Variants in CDKAL1 observed in about 807,000 individuals in gnomAD.
CDKAL1 encodes the protein threonylcarbamoyladenosine tRNA methylthiotransferase.
In CDKAL1, 32 loss-of-function variants were observed where a neutral mutation model predicts 68.2. The observed-to-expected ratio is 0.47, with a 90% CI of 0.35 to 0.63. The LOEUF (loss-of-function observed/expected upper bound fraction) is 0.63. CDKAL1 is among the 30% of genes least tolerant of loss of function. CDKAL1 has a pLI of 0.00. For missense variants in CDKAL1, 606 were observed against 696.7 expected, an observed-to-expected ratio of 0.87 and a Z score of 1.47; for synonymous variants, 234 against 244.3, an observed-to-expected ratio of 0.96 and a Z score of 0.39.
chr6:21,032,379 C>A (rs1475585559), intron 11 of CDKAL1, among the ~76,000 whole-genome samples: 1 of 152,038 alleles, frequency 6.6e-6, no homozygotes, highest in African/African-American at 2.4e-5. Flanking sequence ...TGGCTATTTC[C>A]CCTTTATTTC....
chr6:20,963,750 C>G (rs991052796), intron 10 of CDKAL1, among the ~76,000 whole-genome samples: 1 of 152,134 alleles, frequency 6.6e-6, no homozygotes, highest in Non-Finnish European at 1.5e-5. Context: ...TAAAAATTCT[C>G]TTTATATGGC....
intron 12 of CDKAL1, among the ~76,000 whole-genome samples, chr6:21,069,770 C>CTT (rs1771654458): frequency 2.1e-4 from 9 of 42,240 alleles, no homozygotes; most frequent in Non-Finnish European, 4.0e-4. Context: ...CCCAGATTTT[C>CTT]TTTCTTTTTT....
chr6:21,184,355 C>T (rs1460684622), intron 13 of CDKAL1, among the ~76,000 whole-genome samples: 1 of 151,958 alleles, frequency 6.6e-6, no homozygotes, highest in South Asian at 2.1e-4. Context: ...CCACCATGCC[C>T]GGCTAATTTT....
At chr6:20,788,180 A>G (rs1775754102) in intron 8 of CDKAL1, among the ~76,000 whole-genome samples, 1 of 152,240 alleles carries the variant, frequency 6.6e-6, no homozygotes, top group East Asian at 1.9e-4. Context: ...ATACAGAGCA[A>G]TCTCCTCTGG....
chr6:20,964,754 A>G (rs951822889), intron 10 of CDKAL1, among the ~76,000 whole-genome samples: 1 of 152,278 alleles, frequency 6.6e-6, no homozygotes, highest in African/African-American at 2.4e-5. Flanking sequence ...AAGTTTACCT[A>G]TGTCTCAGGG....
chr6:20,586,049 G>A (rs1317241108), intron 4 of CDKAL1, among the ~76,000 whole-genome samples: 3 of 152,138 alleles, frequency 2.0e-5, no homozygotes, highest in African/African-American at 7.2e-5. Flanking sequence ...TTGGAGTCAA[G>A]GATAACTACT....
chr6:20,875,799 A>C (rs1760483421), intron 9 of CDKAL1, among the ~76,000 whole-genome samples: 1 of 152,240 alleles, frequency 6.6e-6, no homozygotes, highest in South Asian at 2.1e-4. Context: ...ATCCTCATAT[A>C]TAATAGATCT....
intron 9 of CDKAL1, among the ~76,000 whole-genome samples, chr6:20,872,684 A>G (rs1476406500): frequency 6.8e-6 from 1 of 147,380 alleles, no homozygotes; most frequent in Non-Finnish European, 1.5e-5. Context: ...CAAAGAGAAC[A>G]TATTAACAAA....
chr6:20,948,073 A>G (rs797016286), intron 9 of CDKAL1, among the ~76,000 whole-genome samples: 13 of 142,328 alleles, frequency 9.1e-5, no homozygotes, highest in African/African-American at 3.5e-4. Flanking sequence ...GCTCTAGTGC[A>G]GTGGTGCAAT....
chr6:21,014,680 T>A (rs189921602), intron 11 of CDKAL1, among the ~76,000 whole-genome samples: 20 of 152,346 alleles, frequency 1.3e-4, no homozygotes, highest in East Asian at 1.2e-3. Context: ...GAATTTTTTT[T>A]ATCATATCTC....
intron 13 of CDKAL1, among the ~76,000 whole-genome samples, chr6:21,129,735 A>G (rs774504913): frequency 2.1e-4 from 32 of 150,552 alleles, no homozygotes; most frequent in Non-Finnish European, 4.4e-4. Context: ...TACTAACTCT[A>G]GATATAATAC....
At chr6:21,065,582 C>T (rs2150933397) in intron 12 of CDKAL1, among the ~76,000 whole-genome samples, 1 of 150,916 alleles carries the variant, frequency 6.6e-6, no homozygotes, top group South Asian at 2.1e-4. Flanking sequence ...TTTTACCCCA[C>T]TTTTTAAGAG....
At chr6:21,089,165 A>AT (rs1772859854) in intron 12 of CDKAL1, among the ~76,000 whole-genome samples, 1 of 152,116 alleles carries the variant, frequency 6.6e-6, no homozygotes, top group Non-Finnish European at 1.5e-5. Flanking sequence ...ATGTTTTTTA[A>AT]TTACCATGCC....
At chr6:21,009,023 A>G (rs1444930292) in intron 11 of CDKAL1, among the ~76,000 whole-genome samples, 1 of 152,256 alleles carries the variant, frequency 6.6e-6, no homozygotes, top group Admixed American at 6.5e-5. Flanking sequence ...TGAGCCTATA[A>G]TATGTTGAAA....
chr6:20,772,875 C>T (rs4712543), intron 7 of CDKAL1: 146,044 of 152,306 alleles, frequency 0.96, 70,034 homozygotes, highest in East Asian at 1. Context: ...GGTGTTGGAA[C>T]CTTCATGCTT....
intron 8 of CDKAL1, 128 bp from the exon 9 acceptor site, chr6:20,845,947 G>A: frequency 1.9e-6 from 1 of 531,214 alleles, no homozygotes; most frequent in South Asian, 3.3e-5. Flanking sequence ...CTTGGTTTTT[G>A]AATCTCTTGT....
chr6:21,001,263 G>C (rs56317149), intron 11 of CDKAL1, among the ~76,000 whole-genome samples: 18,674 of 151,976 alleles, frequency 0.12, 2,252 homozygotes, highest in African/African-American at 0.32. Flanking sequence ...TTATAATTAT[G>C]TACCTTTGTA....
intron 4 of CDKAL1, among the ~76,000 whole-genome samples, chr6:20,584,539 A>G (rs898072980): frequency 2.6e-5 from 4 of 152,200 alleles, no homozygotes; most frequent in Non-Finnish European, 1.5e-5. Flanking sequence ...GTTGGTCATA[A>G]CTGTGATCCC....
At chr6:21,186,801 A>G (rs1425178906) in intron 13 of CDKAL1, among the ~76,000 whole-genome samples, 1 of 152,134 alleles carries the variant, frequency 6.6e-6, no homozygotes, top group Admixed American at 6.5e-5. Flanking sequence ...TATCCTTTCT[A>G]AAACAGTGAA....
Sources: gnomAD v4.1 joint callset for allele counts (sites outside exome capture counted in the v4.1 genomes callset) on GRCh38, gnomAD v4.1.1 for gene constraint, MANE v1.5 for transcripts, NCBI Gene and HGNC (gene_info 2026-07-23, HGNC 2026-07-21) for gene names.